The following CENPQ variants were observed in gnomAD, a reference collection of about 807,000 sequenced individuals.
CENPQ encodes the protein chromosome 6 open reading frame 139.
Under a neutral mutation model 36.6 loss-of-function variants are expected in CENPQ, and 27 were observed. That is an observed-to-expected ratio of 0.74 (90% confidence interval 0.54 to 1.02). The LOEUF (loss-of-function observed/expected upper bound fraction) is 1.02, where lower values mean the gene tolerates loss of function less well. CENPQ is among the 50% of genes least tolerant of loss of function. The pLI, the probability that CENPQ is intolerant of heterozygous loss-of-function variation, is 0.00. For synonymous variants in CENPQ, 101 were observed against 101.7 expected (o/e 0.99, Z 0.04); for missense variants, 306 against 301.8 (o/e 1.01, Z -0.10).
chr6:49,481,469 T>A (rs1390413113), intron 6 of CENPQ, among the ~76,000 whole-genome samples: 1 of 151,974 alleles, frequency 6.6e-6, no homozygotes. Context: ...ACCTTCGCGG[T>A]GAGTGTTACA....
At chr6:49,464,078 G>T (rs572247750) in intron 1 of CENPQ, among the ~76,000 whole-genome samples, 4 of 151,652 alleles carry the variant, frequency 2.6e-5, no homozygotes, top group Middle Eastern at 3.2e-3. Flanking sequence ...CTACTTTTTG[G>T]CTAAATATTT....
chr6:49,483,464 A>G lies in CENPQ; in HGVS notation c.477+2384A>G, dbSNP rs564837726. On this transcript the variant is annotated intron_variant, in intron 6 of 8. Coordinates refer to ENST00000335783, the MANE Select transcript of CENPQ (RefSeq NM_018132.4). ...TGGTCGATGGGACTGGGCACTGTGG[A>G]GCAGGGGGCGGCGCTCATGGGGGAG... 1.6e-4 allele frequency among the ~76,000 whole-genome samples: 25 copies of G among 152,148 alleles called. 1 individual carries two copies. In the South Asian group the frequency reaches 2.7e-3, roughly 16 times the overall value.
chr6:49,482,913 G>A (rs1177181798), intron 6 of CENPQ, among the ~76,000 whole-genome samples: 1 of 152,278 alleles, frequency 6.6e-6, no homozygotes, highest in East Asian at 1.9e-4. Context: ...GAGTGTTACA[G>A]CTCATAAAGG....
chr6:49,488,790 C>A, intron 8 of CENPQ, 106 bp downstream of exon 8: 1 of 877,362 alleles, frequency 1.1e-6, no homozygotes, highest in Non-Finnish European at 1.9e-6. Context: ...GCAAGTCACA[C>A]AAATGTTTTG....
chr6:49,472,500 C>T (rs1403093601), intron 4 of CENPQ, among the ~76,000 whole-genome samples: 3 of 152,164 alleles, frequency 2.0e-5, no homozygotes, highest in African/African-American at 7.2e-5. Context: ...GAAGCTACCA[C>T]ACTGGAGGGG....
At chr6:49,485,080 C>T (rs1768542994) in intron 6 of CENPQ, among the ~76,000 whole-genome samples, 1 of 152,146 alleles carries the variant, frequency 6.6e-6, no homozygotes, top group Non-Finnish European at 1.5e-5. Context: ...TCAGAAGAAG[C>T]ACCGCTGGCA....
chr6:49,479,662 C>CACAT (rs1768383394), intron 5 of CENPQ, among the ~76,000 whole-genome samples: 1 of 152,126 alleles, frequency 6.6e-6, no homozygotes, highest in Admixed American at 6.5e-5. Context: ...GTTATAAAGA[C>CACAT]ACATGCACAC....
intron 4 of CENPQ, among the ~76,000 whole-genome samples, 194 bp downstream of exon 4, chr6:49,472,377 A>G (rs1228212670): frequency 6.6e-6 from 1 of 152,184 alleles, no homozygotes; most frequent in African/African-American, 2.4e-5. Context: ...CTGAAATTCC[A>G]TCGGTGAAAT....
At chr6:49,481,271 T>A (rs1768421958) in intron 6 of CENPQ, among the ~76,000 whole-genome samples, 191 bp downstream of exon 6, 1 of 152,178 alleles carries the variant, frequency 6.6e-6, no homozygotes, top group African/African-American at 2.4e-5. Context: ...ACCTCTAAAG[T>A]TGAAGTATTT....
intron 5 of CENPQ, among the ~76,000 whole-genome samples, chr6:49,479,902 T>G (rs1298777021): frequency 2.6e-5 from 4 of 151,972 alleles, no homozygotes; most frequent in South Asian, 2.1e-4. Context: ...TTCTCACAAG[T>G]GGGAGCTAAA....
At chr6:49,483,657 G>C (rs1175847190) in intron 6 of CENPQ, among the ~76,000 whole-genome samples, 2 of 152,230 alleles carry the variant, frequency 1.3e-5, no homozygotes, top group Non-Finnish European at 2.9e-5. Context: ...CCGCTGGCTT[G>C]GGTGCTAAGC....
intron 5 of CENPQ, among the ~76,000 whole-genome samples, chr6:49,474,688 CA>C (rs1451331825): frequency 2.6e-5 from 4 of 151,958 alleles, no homozygotes; most frequent in African/African-American, 9.7e-5. Context: ...GATAGAGACA[CA>C]AAAAACCCTT....
chr6:49,470,474 C>G (rs549319842), intron 2 of CENPQ, among the ~76,000 whole-genome samples, 196 bp downstream of exon 2: 329 of 151,672 alleles, frequency 2.2e-3, no homozygotes, highest in African/African-American at 7.8e-3. Context: ...AAAAAATTAG[C>G]CAGGCGTGGT....
rs114841363 is a variant in CENPQ at position 49,467,340 on chromosome 6, G to A, written c.-18-2819G>A. Among the ~76,000 whole-genome samples the A allele has an allele frequency of 4.1e-3, 624 of 152,222 alleles. 5 individuals carry two copies. Among genetic ancestry groups the A allele is most frequent in the Middle Eastern group, 0.024 (7 of 294 alleles). ...AACTCTGATGTAAACAATGGATTTT[G>A]GGTAATATGATGTGTCAACAATTAC... is the stretch of plus-strand genomic sequence containing the variant. On this transcript the variant is annotated intron_variant, in intron 1 of 8. Transcript: ENST00000335783.
At position 49,482,286 on chromosome 6, in the gene CENPQ, C is replaced by G. The variant is rs537168718; in HGVS notation, c.477+1206C>G. 4.8e-3 allele frequency among the ~76,000 whole-genome samples: 738 copies of G among 152,324 alleles called. 3 individuals carry two copies. The highest frequency in any genetic ancestry group is 0.016 in the African/African-American group (667 of 41,590). ...GGGGCTCCCACAGTGCAGCGGTGGGCTGAAGGGCTCCTCAAGTGCCACCAA... is the reference window on the plus strand; with the variant it reads ...GGGGCTCCCACAGTGCAGCGGTGGGGTGAAGGGCTCCTCAAGTGCCACCAA... On this transcript the variant is annotated intron_variant, in intron 6 of 8. Transcript: ENST00000335783.
At chr6:49,486,646 A>G (rs893630913) in intron 6 of CENPQ, among the ~76,000 whole-genome samples, 3 of 152,220 alleles carry the variant, frequency 2.0e-5, no homozygotes, top group African/African-American at 7.2e-5. Flanking sequence ...TTTATGAGAA[A>G]ATTGAAAATG....
In CENPQ at chr6:49,492,567, G is replaced by T; in HGVS notation, c.*292G>T. The T allele has an allele frequency of 4.5e-6, 1 of 220,054 alleles. No homozygotes were observed. Among genetic ancestry groups the T allele is most frequent in the Non-Finnish European group, 8.7e-6 (1 of 114,302 alleles). The allele number at this position is 220,054 out of a possible 1,614,324, so 13.6% of individuals were successfully genotyped here. Reference sequence around the variant, plus strand: ...CCTTAAGGATCTAGTAGTTTATAATGCCTGAATGGAACTCATTTATTGGTT... The same window carrying T: ...CCTTAAGGATCTAGTAGTTTATAATTCCTGAATGGAACTCATTTATTGGTT... On this transcript the variant is annotated 3_prime_UTR_variant, in exon 9 of 9. Transcript: ENST00000335783.
chr6:49,483,605 G>A (rs1055342607), intron 6 of CENPQ, among the ~76,000 whole-genome samples: 2 of 152,170 alleles, frequency 1.3e-5, no homozygotes, highest in African/African-American at 4.8e-5. Context: ...GAGCAGTGCC[G>A]GTGGGCTGGC....
chr6:49,470,804 C>T (rs1219827154), intron 2 of CENPQ, among the ~76,000 whole-genome samples, 170 bp from the exon 3 acceptor site: 1 of 152,112 alleles, frequency 6.6e-6, no homozygotes, highest in Non-Finnish European at 1.5e-5. Context: ...TATGTCCTCT[C>T]TGTGATAAAT....
Sources: gnomAD v4.1 joint callset for allele counts (sites outside exome capture counted in the v4.1 genomes callset) on GRCh38, gnomAD v4.1.1 for gene constraint, MANE v1.5 for transcripts, NCBI Gene and HGNC (gene_info 2026-07-23, HGNC 2026-07-21) for gene names.